The following MTUS2 variants were observed in gnomAD, a reference collection of about 807,000 sequenced individuals.
The protein encoded by MTUS2 is microtubule-associated tumor suppressor candidate 2.
In MTUS2, 40 loss-of-function variants were observed where a neutral mutation model predicts 114.1. The observed-to-expected ratio is 0.35, with a 90% confidence interval of 0.27 to 0.46. MTUS2 has a LOEUF of 0.46. Among genes scored for constraint, MTUS2 ranks in the 20% least tolerant of loss-of-function variants. The pLI, the probability that MTUS2 is intolerant of heterozygous loss-of-function variation, is 1.00. For missense variants in MTUS2, 1,679 were observed against 1,705.4 expected (o/e 0.98, Z 0.27); for synonymous variants, 688 against 672.0 (o/e 1.02, Z -0.37).
intron 2 of MTUS2, among the ~76,000 whole-genome samples, chr13:28,949,490 C>T (rs1882703984): frequency 6.6e-6 from 1 of 152,074 alleles, no homozygotes; most frequent in South Asian, 2.1e-4. Context: ...TAACATTTAC[C>T]ATCTTAACAA....
chr13:29,324,631 A>C lies in MTUS2; in HGVS notation c.2825A>C (p.Gln942Pro), dbSNP rs928661. Reference protein sequence around the residue: ...STPAGTKKDAQKDQDTNKPAV... With the variant: ...STPAGTKKDAPKDQDTNKPAV... ...TACACAGGAACAAAGAAAGATGCTC[A>C]GAAAGATCAAGATACGAATAAACCT... The change falls in exon 7 of 16, where the codon CAG becomes CCG. Residue 942 changes from glutamine (Q) to proline (P), a missense_variant. Around this residue, in one of 3 missense-constraint regions of MTUS2, gnomAD observed 822 missense variants for 899.7 expected, o/e 0.91. Coordinates refer to ENST00000612955, the MANE Select transcript of MTUS2 (RefSeq NM_001033602.4). The C allele has an allele frequency of 0.86, 1,359,941 of 1,585,436 alleles. 587,861 individuals are homozygous for C. Among genetic ancestry groups the C allele is most frequent in the East Asian group, 0.91 (40,264 of 44,064 alleles).
At chr13:28,834,239 A>T (rs1441600789) in intron 1 of MTUS2, among the ~76,000 whole-genome samples, 1 of 152,158 alleles carries the variant, frequency 6.6e-6, no homozygotes, top group African/African-American at 2.4e-5. Context: ...AAAAAGCAGA[A>T]CAAAGTTGAA....
At chr13:29,270,388 C>G (rs893691014) in intron 5 of MTUS2, among the ~76,000 whole-genome samples, 8 of 152,186 alleles carry the variant, frequency 5.3e-5, no homozygotes, top group Admixed American at 5.2e-4. Context: ...TGCCGCATGC[C>G]TGTCACAAAA....
intron 7 of MTUS2, among the ~76,000 whole-genome samples, chr13:29,328,750 C>T (rs912686028): frequency 1.3e-5 from 2 of 152,164 alleles, no homozygotes; most frequent in African/African-American, 4.8e-5. Flanking sequence ...TAATCTGATG[C>T]AAATTATTCC....
Position 28,924,889 on chromosome 13 carries a change from C to T in MTUS2, c.-243+85039C>T, listed in dbSNP as rs73437283. Among the ~76,000 whole-genome samples, 1,131 of 151,974 alleles carry T rather than the reference C, an allele frequency of 7.4e-3. 18 individuals carry two copies. The highest frequency in any genetic ancestry group is 0.025 in the African/African-American group (1,052 of 41,450). Reference sequence around the variant, plus strand: ...AGCAGATGAGATCTCTACTAGATGGCGGTTTTTCCTTTGGAAAAGGGTACA... The same window carrying T: ...AGCAGATGAGATCTCTACTAGATGGTGGTTTTTCCTTTGGAAAAGGGTACA... On this transcript the variant is annotated intron_variant, in intron 2 of 15. Transcript: ENST00000612955.
At chr13:29,044,193 T>C (rs1321357765) in intron 4 of MTUS2, among the ~76,000 whole-genome samples, 3 of 150,292 alleles carry the variant, frequency 2.0e-5, no homozygotes, top group Admixed American at 6.7e-5. Context: ...ATACTTTTGA[T>C]AAATATTTTT....
chr13:29,065,486 T>G (rs764934816), intron 4 of MTUS2, among the ~76,000 whole-genome samples: 1 of 152,210 alleles, frequency 6.6e-6, no homozygotes, highest in Non-Finnish European at 1.5e-5. Flanking sequence ...TGTTTGTTGT[T>G]TTCTTATCAA....
At chr13:29,290,991 TGCAGATGGTCACATAATAAA>T (rs1431875639) in intron 6 of MTUS2, among the ~76,000 whole-genome samples, 3 of 152,200 alleles carry the variant, frequency 2.0e-5, no homozygotes, top group Non-Finnish European at 4.4e-5. Context: ...TGTGTCTTGT[TGCAGATGGTCACATAATAAA>T]GCAACAAGAC....
At chr13:28,899,601 G>A (rs752093305) in intron 2 of MTUS2, among the ~76,000 whole-genome samples, 2 of 151,956 alleles carry the variant, frequency 1.3e-5, no homozygotes, top group Non-Finnish European at 2.9e-5. Context: ...TAGTAGAGAC[G>A]GGGTTTCACC....
At chr13:29,225,194 G>A (rs542536135) in intron 5 of MTUS2, among the ~76,000 whole-genome samples, 11 of 152,224 alleles carry the variant, frequency 7.2e-5, no homozygotes, top group Non-Finnish European at 1.2e-4. Context: ...GAAGGCTCAA[G>A]CCCTTCCCTG....
At chr13:29,297,832 A>G (rs1485305888) in intron 6 of MTUS2, among the ~76,000 whole-genome samples, 1 of 152,138 alleles carries the variant, frequency 6.6e-6, no homozygotes, top group Non-Finnish European at 1.5e-5. Flanking sequence ...ATAACAATGG[A>G]AAGTGTTGCG....
intron 8 of MTUS2, among the ~76,000 whole-genome samples, chr13:29,366,641 T>C (rs1246991408): frequency 6.6e-6 from 1 of 152,096 alleles, no homozygotes; most frequent in African/African-American, 2.4e-5. Flanking sequence ...GTTTTGAAAA[T>C]ATAAGTTAGA....
chr13:28,822,117 T>A (rs571380363), intron 1 of MTUS2, among the ~76,000 whole-genome samples: 1 of 152,222 alleles, frequency 6.6e-6, no homozygotes, highest in Non-Finnish European at 1.5e-5. Flanking sequence ...ACTAGTAAAT[T>A]AAGTGCAAAA....
chr13:29,448,790 C>G (rs1878471587), intron 9 of MTUS2, among the ~76,000 whole-genome samples: 1 of 140,718 alleles, frequency 7.1e-6, no homozygotes. Context: ...GAGTCTCACT[C>G]TCACCCAAAC....
chr13:28,966,800 C>A (rs1016076462), intron 2 of MTUS2, among the ~76,000 whole-genome samples: 4 of 150,234 alleles, frequency 2.7e-5, no homozygotes, highest in Admixed American at 6.6e-5. Context: ...GAAGGTTTAG[C>A]GTTGCAAACC....
At chr13:29,197,248 G>A (rs1167977978) in intron 5 of MTUS2, among the ~76,000 whole-genome samples, 36 of 151,976 alleles carry the variant, frequency 2.4e-4, no homozygotes, top group Non-Finnish European at 1.6e-4. Context: ...AGGCCCCAGT[G>A]TGTGATGTTC....
intron 5 of MTUS2, among the ~76,000 whole-genome samples, chr13:29,210,566 G>C (rs1433813779): frequency 6.6e-6 from 1 of 152,102 alleles, no homozygotes; most frequent in African/African-American, 2.4e-5. Flanking sequence ...TATGTCAGAG[G>C]GAAGATCTAG....
chr13:29,495,355 CAAAAAAAAAA>C (rs561721512), intron 12 of MTUS2, among the ~76,000 whole-genome samples: 257 of 29,814 alleles, frequency 8.6e-3, no homozygotes, highest in African/African-American at 0.028. Flanking sequence ...GAGTCTTTGT[CAAAAAAAAAA>C]AAAAAAAAAA....
At chr13:29,180,666 G>A (rs529188953) in intron 5 of MTUS2, among the ~76,000 whole-genome samples, 1 of 152,152 alleles carries the variant, frequency 6.6e-6, no homozygotes, top group Admixed American at 6.5e-5. Context: ...CCAGGTCACA[G>A]GTCACTGGCT....
Sources: allele counts gnomAD v4.1 joint callset (sites outside exome capture counted in the v4.1 genomes callset), GRCh38; gene constraint gnomAD v4.1.1; regional missense constraint gnomAD v4.1.1; transcripts MANE v1.5; gene names NCBI Gene and HGNC (gene_info 2026-07-23, HGNC 2026-07-21).